Variants in NARS2 observed in about 807,000 individuals in gnomAD.
The protein encoded by NARS2 is asparaginyl-tRNA synthetase 2, mitochondrial.
In NARS2, 60 loss-of-function variants were observed where a neutral mutation model predicts 62.9. The observed-to-expected ratio is 0.95, with a 90% CI of 0.77 to 1.18. The LOEUF is 1.18. NARS2 is among the 50% of genes most tolerant of loss of function. The probability of loss-of-function intolerance (pLI) is 0.00; values close to 1 mark genes in which losing one functional copy is unlikely to be tolerated. For missense variants in NARS2, 619 were observed against 576.4 expected (o/e 1.07, Z -0.76); for synonymous variants, 196 against 200.0 (o/e 0.98, Z 0.17).
At chr11:78,538,852 G>A (rs1459215972) in intron 5 of NARS2, among the ~76,000 whole-genome samples, 29 of 151,090 alleles carry the variant, frequency 1.9e-4, no homozygotes, top group African/African-American at 6.1e-4. Context: ...AAAATTAGCC[G>A]GGCGTGGTGG....
At chr11:78,487,372 A>G (rs1224512057) in intron 7 of NARS2, among the ~76,000 whole-genome samples, 2 of 150,252 alleles carry the variant, frequency 1.3e-5, no homozygotes, top group Non-Finnish European at 3.0e-5. Flanking sequence ...AAAAAAAAAG[A>G]AAGAAAGAAA....
intron 6 of NARS2, among the ~76,000 whole-genome samples, chr11:78,500,104 C>A (rs1266445511): frequency 6.6e-6 from 1 of 152,180 alleles, no homozygotes; most frequent in African/African-American, 2.4e-5. Flanking sequence ...AGGCCTGATA[C>A]TACAGAGGTA....
intron 11 of NARS2, among the ~76,000 whole-genome samples, chr11:78,445,404 T>C (rs1468481221): frequency 6.6e-6 from 1 of 152,206 alleles, no homozygotes; most frequent in East Asian, 1.9e-4. Context: ...GCGGATCACC[T>C]GAGGTCAGGA....
At chr11:78,559,678 A>G in intron 4 of NARS2, 59 bp from the exon 5 acceptor site, 1 of 1,132,164 alleles carries the variant, frequency 8.8e-7, no homozygotes, top group Non-Finnish European at 1.3e-6. Context: ...CCAAGAACAC[A>G]CATCCTCTTA....
intron 2 of NARS2, among the ~76,000 whole-genome samples, chr11:78,571,041 C>G (rs1856904098): frequency 6.6e-6 from 1 of 152,046 alleles, no homozygotes; most frequent in Non-Finnish European, 1.5e-5. Context: ...GCAACATGTA[C>G]AAATGCTATT....
At chr11:78,484,799 G>A (rs1478660171) in intron 7 of NARS2, among the ~76,000 whole-genome samples, 1 of 152,214 alleles carries the variant, frequency 6.6e-6, no homozygotes, top group Non-Finnish European at 1.5e-5. Flanking sequence ...GTGTCAATTA[G>A]TTCAACCACT....
chr11:78,517,801 T>C (rs1283971680), intron 6 of NARS2, among the ~76,000 whole-genome samples: 5 of 152,206 alleles, frequency 3.3e-5, no homozygotes, highest in Admixed American at 1.3e-4. Context: ...GAAAATGCAA[T>C]TGGCAAGGAG....
At chr11:78,525,264 G>A (rs1032233517) in intron 6 of NARS2, among the ~76,000 whole-genome samples, 4 of 152,090 alleles carry the variant, frequency 2.6e-5, no homozygotes, top group Non-Finnish European at 4.4e-5. Flanking sequence ...AGGAGTGAAT[G>A]CTCGTAAAAG....
intron 1 of NARS2, 41 bp from the exon 2 acceptor site, chr11:78,571,485 T>G (rs1191327050): frequency 6.9e-7 from 1 of 1,449,064 alleles, no homozygotes; most frequent in Non-Finnish European, 9.7e-7. Context: ...GTAAAACATT[T>G]TACGTTTTCA....
chr11:78,509,022 G>A (rs1040003554), intron 6 of NARS2, among the ~76,000 whole-genome samples: 18 of 151,564 alleles, frequency 1.2e-4, no homozygotes, highest in African/African-American at 4.4e-4. Context: ...GACTGAAGCA[G>A]GAGAATCACT....
chr11:78,465,428 G>A (rs948238110), intron 11 of NARS2, among the ~76,000 whole-genome samples: 1 of 152,272 alleles, frequency 6.6e-6, no homozygotes, highest in Non-Finnish European at 1.5e-5. Flanking sequence ...CCGAGAGCGA[G>A]AGAGGGCTGT....
At chr11:78,465,090 G>T (rs561523598) in intron 11 of NARS2, among the ~76,000 whole-genome samples, 1 of 152,344 alleles carries the variant, frequency 6.6e-6, no homozygotes, top group African/African-American at 2.4e-5. Flanking sequence ...CAGGCATGGG[G>T]GGCTGCAGGT....
chr11:78,565,797 C>A (rs1289444855), intron 4 of NARS2, among the ~76,000 whole-genome samples: 4 of 152,160 alleles, frequency 2.6e-5, no homozygotes, highest in Admixed American at 2.6e-4. Flanking sequence ...AGGTCGGGAC[C>A]TGAGGAAGGC....
chr11:78,454,592 C>T (rs2135174393), intron 11 of NARS2, among the ~76,000 whole-genome samples: 1 of 151,780 alleles, frequency 6.6e-6, no homozygotes, highest in African/African-American at 2.4e-5. Context: ...CCAAATAAAA[C>T]TCTTTGTTTT....
intron 6 of NARS2, among the ~76,000 whole-genome samples, chr11:78,523,793 T>C (rs1025277500): frequency 2.0e-5 from 3 of 152,144 alleles, no homozygotes; most frequent in African/African-American, 7.2e-5. Flanking sequence ...ACTTAATTAG[T>C]GGTTGCCCAG....
intron 11 of NARS2, among the ~76,000 whole-genome samples, chr11:78,459,694 G>GTT (rs1428318755): frequency 6.6e-6 from 1 of 152,208 alleles, no homozygotes; most frequent in Admixed American, 6.5e-5. Flanking sequence ...ATGTGGAACT[G>GTT]TGAGTCCATT....
At chr11:78,506,530 G>C (rs1860505100) in intron 6 of NARS2, among the ~76,000 whole-genome samples, 1 of 152,070 alleles carries the variant, frequency 6.6e-6, no homozygotes, top group African/African-American at 2.4e-5. Flanking sequence ...AGTAGTATTT[G>C]TCTGATTTAA....
At position 78,562,535 on chromosome 11, in the gene NARS2, A is replaced by T. The variant is rs573617677; in HGVS notation, c.514-2916T>A. On this transcript the variant is annotated intron_variant, in intron 4 of 13. Coordinates refer to ENST00000281038, the MANE Select transcript of NARS2 (RefSeq NM_024678.6). ...ATACTCACAGGAAGAACCTCGACTC[A>T]CTGAGAAAGAAAGAGCAGAATCTTT... Among the ~76,000 whole-genome samples, 3 of 152,368 alleles carry T rather than the reference A, an allele frequency of 2.0e-5. No individual in the cohort carries two copies. The South Asian group carries it at 6.2e-4, about 32-fold the overall frequency.
intron 12 of NARS2, among the ~76,000 whole-genome samples, chr11:78,442,350 T>C (rs984555646): frequency 6.6e-6 from 1 of 152,224 alleles, no homozygotes; most frequent in East Asian, 1.9e-4. Context: ...AATACAGTCT[T>C]CCTCAAACCT....
Sources: allele counts gnomAD v4.1 joint callset (sites outside exome capture counted in the v4.1 genomes callset), GRCh38; gene constraint gnomAD v4.1.1; transcripts MANE v1.5; gene names NCBI Gene and HGNC (gene_info 2026-07-23, HGNC 2026-07-21).